KIF27: variants seen among roughly 807,000 people sequenced by gnomAD.
KIF27 encodes kinesin-like protein KIF27.
A neutral mutation model predicts 141.8 loss-of-function variants in KIF27; 84 were observed. The observed-to-expected ratio is 0.59, with a 90% CI of 0.50 to 0.71. The LOEUF (loss-of-function observed/expected upper bound fraction) is 0.71. Ranked by LOEUF, KIF27 falls within the 30% of genes least tolerant of loss-of-function variation. The pLI is 0.00. For missense variants in KIF27, 1,306 were observed against 1,628.4 expected, an observed-to-expected ratio of 0.80 and a Z score of 3.41; for synonymous variants, 471 against 569.5, an observed-to-expected ratio of 0.83 and a Z score of 2.46.
At chr9:83,861,510 C>T (rs1175232234) in intron 13 of KIF27, among the ~76,000 whole-genome samples, 1 of 152,194 alleles carries the variant, frequency 6.6e-6, no homozygotes, top group Admixed American at 6.5e-5. Context: ...CACATGAACT[C>T]ATCACTTTTT....
intron 2 of KIF27, among the ~76,000 whole-genome samples, chr9:83,910,883 C>T (rs1286344128): frequency 2.0e-5 from 3 of 152,002 alleles, no homozygotes; most frequent in African/African-American, 4.8e-5. Context: ...ACATTATTTA[C>T]AGGAGCTACA....
Position 83,840,408 on chromosome 9 carries a change from C to G in KIF27, c.3721+1829G>C, listed in dbSNP as rs12339906. ...AAACTGGTCAGAACAGTGTTGTTCT[C>G]ATTTTACACCTCTCCAAGATTAACT... is the stretch of plus-strand genomic sequence containing the variant. On this transcript the variant is annotated intron_variant, in intron 17 of 17. Transcript: ENST00000297814. 9.0e-3 allele frequency among the ~76,000 whole-genome samples: 1,364 copies of G among 152,258 alleles called. 20 individuals carry two copies. Among genetic ancestry groups the G allele is most frequent in the African/African-American group, 0.031 (1,272 of 41,530 alleles).
rs1346877700 is a variant in KIF27 at position 83,836,430 on chromosome 9, A to G, written c.*571T>C. On this transcript the variant is annotated 3_prime_UTR_variant, in exon 18 of 18. Coordinates refer to ENST00000297814, the MANE Select transcript of KIF27 (RefSeq NM_017576.4). ...ATTTTTAAAAATCCAAAAAAATTCCAGAAACAGAACAGTGAGCATGTTTAA... is the reference window on the plus strand; with the variant it reads ...ATTTTTAAAAATCCAAAAAAATTCCGGAAACAGAACAGTGAGCATGTTTAA... Among the ~76,000 whole-genome samples, 3 of 152,332 alleles carry G rather than the reference A, an allele frequency of 2.0e-5. No homozygotes were observed. The highest frequency in any genetic ancestry group is 4.4e-5 in the Non-Finnish European group (3 of 68,026).
chr9:83,840,491 T>G (rs987297594), intron 17 of KIF27, among the ~76,000 whole-genome samples: 4 of 152,148 alleles, frequency 2.6e-5, no homozygotes, highest in African/African-American at 9.7e-5. Flanking sequence ...CCAGATTTCT[T>G]AAACCTGTAT....
chr9:83,909,246 G>A (rs1433821333), intron 2 of KIF27, among the ~76,000 whole-genome samples: 1 of 152,190 alleles, frequency 6.6e-6, no homozygotes, highest in Non-Finnish European at 1.5e-5. Flanking sequence ...GTAACTACCA[G>A]CCGAGAGATG....
chr9:83,901,579 T>A (rs180939173), intron 4 of KIF27, among the ~76,000 whole-genome samples: 62 of 152,256 alleles, frequency 4.1e-4, no homozygotes, highest in Non-Finnish European at 1.6e-4. Flanking sequence ...CTTACTAAAA[T>A]TTTTTTGTGT....
chr9:83,875,666 A>G (rs563461619), intron 11 of KIF27, among the ~76,000 whole-genome samples: 1 of 152,266 alleles, frequency 6.6e-6, no homozygotes, highest in East Asian at 1.9e-4. Context: ...GGAAGAGAGG[A>G]AAAAACAAGG....
chr9:83,916,853 T>C (rs951827225), intron 1 of KIF27, among the ~76,000 whole-genome samples: 8 of 152,194 alleles, frequency 5.3e-5, no homozygotes, highest in Admixed American at 3.3e-4. Flanking sequence ...TTAGTAGACA[T>C]GGGGTTTCAC....
At chr9:83,882,327 A>G (rs925689413) in intron 10 of KIF27, among the ~76,000 whole-genome samples, 6 of 152,014 alleles carry the variant, frequency 3.9e-5, no homozygotes, top group Non-Finnish European at 8.8e-5. Flanking sequence ...ATGCCACTGC[A>G]CTCCAGCCTG....
chr9:83,842,025 C>T (rs1370731463), intron 17 of KIF27, among the ~76,000 whole-genome samples: 2 of 152,052 alleles, frequency 1.3e-5, no homozygotes, highest in African/African-American at 4.8e-5. Flanking sequence ...GGCAGACAAT[C>T]AATAATTGAT....
chr9:83,871,258 G>A (rs554523413), intron 11 of KIF27, among the ~76,000 whole-genome samples: 5 of 152,136 alleles, frequency 3.3e-5, no homozygotes, highest in Middle Eastern at 3.4e-3. Flanking sequence ...GTACATTTTC[G>A]TGAGGTACAC....
At position 83,835,108 on chromosome 9, in the gene KIF27, T is replaced by G. The variant is rs1945678589; in HGVS notation, c.*1893A>C. Among the ~76,000 whole-genome samples, 1 of 150,022 alleles carries G rather than the reference T, an allele frequency of 6.7e-6. No homozygotes were observed. ...TTAGAAATAATTAATTTACACATAC[T>G]TGTTTTACTTATGGAAATACAAACA... On this transcript the variant is annotated 3_prime_UTR_variant, in exon 18 of 18. Coordinates refer to ENST00000297814, the MANE Select transcript of KIF27 (RefSeq NM_017576.4).
At chr9:83,919,159 AGT>A (rs371738710) in intron 1 of KIF27, among the ~76,000 whole-genome samples, 11 of 152,210 alleles carry the variant, frequency 7.2e-5, no homozygotes, top group African/African-American at 2.7e-4. Flanking sequence ...ACAGATCATA[AGT>A]GTTGGCAGGG....
chr9:83,875,645 A>G, intron 11 of KIF27, among the ~76,000 whole-genome samples: 1 of 152,180 alleles, frequency 6.6e-6, no homozygotes, highest in East Asian at 1.9e-4. Flanking sequence ...AAGACAGAGA[A>G]CAAGCAATCA....
At chr9:83,872,686 A>AGAAAAACC (rs1950892354) in intron 11 of KIF27, among the ~76,000 whole-genome samples, 1 of 152,200 alleles carries the variant, frequency 6.6e-6, no homozygotes, top group African/African-American at 2.4e-5. Context: ...AGAAGCACTG[A>AGAAAAACC]TAGGAAGTAA....
chr9:83,874,542 G>A (rs1951056953), intron 11 of KIF27, among the ~76,000 whole-genome samples: 1 of 152,196 alleles, frequency 6.6e-6, no homozygotes, highest in South Asian at 2.1e-4. Flanking sequence ...ATACATCAAT[G>A]TATCTTTGGG....
intron 13 of KIF27, among the ~76,000 whole-genome samples, chr9:83,865,822 G>A (rs1228065088): frequency 6.6e-6 from 1 of 152,064 alleles, no homozygotes; most frequent in South Asian, 2.1e-4. Context: ...TTCAGAGTCA[G>A]GTATCGAAAA....
chr9:83,912,792 CT>C (rs1955300187), intron 2 of KIF27, among the ~76,000 whole-genome samples: 1 of 152,028 alleles, frequency 6.6e-6, no homozygotes, highest in African/African-American at 2.4e-5. Flanking sequence ...TTGGAAAAGG[CT>C]ATACCTTGTA....
intron 12 of KIF27, among the ~76,000 whole-genome samples, chr9:83,868,955 T>G: frequency 6.6e-6 from 1 of 152,048 alleles, no homozygotes; most frequent in Non-Finnish European, 1.5e-5. Context: ...ATGTTAATTT[T>G]GTCATATCCT....
Sources: gnomAD v4.1 joint callset for allele counts (sites outside exome capture counted in the v4.1 genomes callset) on GRCh38, gnomAD v4.1.1 for gene constraint, MANE v1.5 for transcripts, NCBI Gene and HGNC (gene_info 2026-07-23, HGNC 2026-07-21) for gene names.